Variants in DPYD observed in about 807,000 individuals in gnomAD.
DPYD encodes the protein dihydropyrimidine dehydrogenase.
In DPYD, 109 loss-of-function variants were observed where a neutral mutation model predicts 116.2. The observed-to-expected ratio is 0.94, with a 90% CI of 0.80 to 1.10. The LOEUF is 1.10. Ranked by LOEUF, DPYD falls within the 50% of genes least tolerant of loss-of-function variation. The probability of loss-of-function intolerance (pLI) is 0.00; values close to 1 mark genes in which losing one functional copy is unlikely to be tolerated. For synonymous variants in DPYD, 440 were observed against 432.0 expected (o/e 1.02, Z -0.23); for missense variants, 1,302 against 1,254.5 (o/e 1.04, Z -0.57).
chr1:97,697,814 A>G (rs1571208603), intron 6 of DPYD, among the ~76,000 whole-genome samples: 1 of 152,070 alleles, frequency 6.6e-6, no homozygotes, highest in East Asian at 1.9e-4. Context: ...AATTGGCAAT[A>G]CATAGTAAGT....
At chr1:97,450,860 G>A (rs1176554209) in intron 13 of DPYD, among the ~76,000 whole-genome samples, 1 of 151,920 alleles carries the variant, frequency 6.6e-6, no homozygotes, top group African/African-American at 2.4e-5. Flanking sequence ...CCTATAAACA[G>A]TAAACAGTAA....
At chr1:97,080,377 T>C (rs1649069778) in intron 22 of DPYD, among the ~76,000 whole-genome samples, 1 of 152,100 alleles carries the variant, frequency 6.6e-6, no homozygotes, top group African/African-American at 2.4e-5. Context: ...TATATATATA[T>C]AGTTGTTTAA....
intron 16 of DPYD, among the ~76,000 whole-genome samples, chr1:97,349,353 A>T (rs1410230309): frequency 6.7e-6 from 1 of 148,518 alleles, no homozygotes; most frequent in Non-Finnish European, 1.5e-5. Flanking sequence ...TATTAATTTT[A>T]TTATTATTAT....
At chr1:97,185,760 T>A (rs1485630455) in intron 20 of DPYD, among the ~76,000 whole-genome samples, 2 of 152,154 alleles carry the variant, frequency 1.3e-5, no homozygotes, top group African/African-American at 4.8e-5. Flanking sequence ...CTAAAAAACA[T>A]GAACAAACTA....
chr1:97,312,805 A>C (rs1193651515), intron 16 of DPYD, among the ~76,000 whole-genome samples: 1 of 151,884 alleles, frequency 6.6e-6, no homozygotes, highest in Non-Finnish European at 1.5e-5. Flanking sequence ...TCGGGTATAG[A>C]CATTTGCCAA....
chr1:97,193,347 C>T, intron 19 of DPYD, 99 bp from the exon 20 acceptor site: 1 of 1,287,082 alleles, frequency 7.8e-7, no homozygotes. Context: ...TTTTATGTGC[C>T]AGGCACTGTT....
At chr1:97,724,953 A>AAGAGAG (rs71590231) in intron 4 of DPYD, among the ~76,000 whole-genome samples, 45,352 of 118,420 alleles carry the variant, frequency 0.38, 9,242 homozygotes, top group Admixed American at 0.52. Flanking sequence ...GAGGGAAGGA[A>AAGAGAG]AGAGAGAGAG....
chr1:97,266,765 T>G (rs1430500840), intron 18 of DPYD, among the ~76,000 whole-genome samples: 1 of 151,942 alleles, frequency 6.6e-6, no homozygotes, highest in African/African-American at 2.4e-5. Context: ...TACCTATGAG[T>G]GAGAACATGG....
intron 2 of DPYD, among the ~76,000 whole-genome samples, chr1:97,831,090 T>G (rs1669518792): frequency 6.6e-6 from 1 of 152,202 alleles, no homozygotes; most frequent in South Asian, 2.1e-4. Context: ...AACAGTTAAC[T>G]ATTACCTTGA....
chr1:97,808,862 CTCTT>C (rs1668207861), intron 3 of DPYD, among the ~76,000 whole-genome samples: 1 of 152,028 alleles, frequency 6.6e-6, no homozygotes, highest in Non-Finnish European at 1.5e-5. Flanking sequence ...CTTTAAGTGA[CTCTT>C]TCACTGCATT....
intron 12 of DPYD, among the ~76,000 whole-genome samples, chr1:97,542,814 T>G (rs968931828): frequency 1.3e-5 from 2 of 152,186 alleles, no homozygotes; most frequent in African/African-American, 4.8e-5. Context: ...AATGCATAAA[T>G]GAGATTGATG....
At chr1:97,774,699 T>C in intron 3 of DPYD, 1 of 185,986 alleles carries the variant, frequency 5.4e-6, no homozygotes, top group Non-Finnish European at 1.2e-5. Context: ...CTACTGAGAG[T>C]TTCAAGTGTG....
intron 3 of DPYD, among the ~76,000 whole-genome samples, chr1:97,742,302 G>C (rs1664310286): frequency 6.6e-6 from 1 of 152,032 alleles, no homozygotes; most frequent in Non-Finnish European, 1.5e-5. Context: ...GAGTAAGAGA[G>C]CCCTCTTCAT....
chr1:97,360,051 A>G (rs932903175), intron 16 of DPYD, among the ~76,000 whole-genome samples: 2 of 152,206 alleles, frequency 1.3e-5, no homozygotes, highest in African/African-American at 4.8e-5. Context: ...TGCTGTATTC[A>G]GGAGAACCAT....
At chr1:97,461,207 C>T (rs1339915367) in intron 13 of DPYD, among the ~76,000 whole-genome samples, 3 of 152,140 alleles carry the variant, frequency 2.0e-5, no homozygotes, top group Non-Finnish European at 2.9e-5. Flanking sequence ...GCCCCAATCC[C>T]CTACTTCATT....
intron 18 of DPYD, among the ~76,000 whole-genome samples, chr1:97,269,106 T>G (rs1664412583): frequency 6.6e-6 from 1 of 152,338 alleles, no homozygotes; most frequent in East Asian, 1.9e-4. Flanking sequence ...TCTTAAGTTC[T>G]GTCTTCCACG....
chr1:97,666,711 G>A (rs778513771), intron 8 of DPYD, among the ~76,000 whole-genome samples: 1 of 152,088 alleles, frequency 6.6e-6, no homozygotes, highest in Non-Finnish European at 1.5e-5. Flanking sequence ...AAGCAAGGTT[G>A]GTTTCTCACC....
intron 8 of DPYD, among the ~76,000 whole-genome samples, chr1:97,625,122 C>T (rs1656853705): frequency 2.0e-5 from 3 of 151,934 alleles, no homozygotes; most frequent in Admixed American, 1.3e-4. Context: ...GTTCTTACCA[C>T]AAAAAAGTTA....
At chr1:97,394,684 G>C (rs137923192) in intron 14 of DPYD, among the ~76,000 whole-genome samples, 39 of 152,118 alleles carry the variant, frequency 2.6e-4, no homozygotes, top group African/African-American at 9.4e-4. Flanking sequence ...CTTGTTAGAA[G>C]CAGGATTGCC....
Sources: allele counts gnomAD v4.1 joint callset (sites outside exome capture counted in the v4.1 genomes callset), GRCh38; gene constraint gnomAD v4.1.1; transcripts MANE v1.5; gene names NCBI Gene and HGNC (gene_info 2026-07-23, HGNC 2026-07-21).